CPPED1: variants seen among roughly 807,000 people sequenced by gnomAD.
CPPED1 encodes serine/threonine-protein phosphatase CPPED1.
CPPED1 carries 28 observed loss-of-function variants against 28.0 expected under a neutral mutation model. The observed-to-expected ratio is 1.00, with a 90% CI of 0.74 to 1.37. CPPED1 has a LOEUF of 1.37. Ranked by LOEUF, CPPED1 falls within the 40% of genes most tolerant of loss-of-function variation. The pLI is 0.00. For missense variants in CPPED1, 504 were observed against 416.5 expected (o/e 1.21, Z -1.83); for synonymous variants, 198 against 180.2 (o/e 1.10, Z -0.79).
intron 2 of CPPED1, among the ~76,000 whole-genome samples, chr16:12,744,838 G>T (rs2080277083): frequency 6.6e-6 from 1 of 152,094 alleles, no homozygotes; most frequent in Non-Finnish European, 1.5e-5. Context: ...ACAAAAATAA[G>T]CCAGGCATCG....
At chr16:12,727,145 A>G (rs2080174403) in intron 2 of CPPED1, among the ~76,000 whole-genome samples, 1 of 152,216 alleles carries the variant, frequency 6.6e-6, no homozygotes, top group Non-Finnish European at 1.5e-5. Context: ...AGTTCAGTAG[A>G]GTACAACCAA....
chr16:12,689,217 C>CTTTT (rs869107040), intron 3 of CPPED1, among the ~76,000 whole-genome samples: 24 of 83,572 alleles, frequency 2.9e-4, no homozygotes, highest in African/African-American at 8.0e-4. Context: ...GAAAAGAGGG[C>CTTTT]TTTTTTTTTT....
intron 1 of CPPED1, among the ~76,000 whole-genome samples, chr16:12,790,281 T>G (rs1394808618): frequency 6.6e-6 from 1 of 152,238 alleles, no homozygotes; most frequent in Non-Finnish European, 1.5e-5. Flanking sequence ...TCTCTGCTAA[T>G]ACATTTCCTC....
intron 2 of CPPED1, among the ~76,000 whole-genome samples, chr16:12,733,048 T>C (rs2141206357): frequency 6.6e-6 from 1 of 152,312 alleles, no homozygotes; most frequent in Non-Finnish European, 1.5e-5. Flanking sequence ...GTTATTATTT[T>C]AAATTTATTG....
chr16:12,763,443 A>G (rs2080421591), intron 2 of CPPED1, among the ~76,000 whole-genome samples: 1 of 152,180 alleles, frequency 6.6e-6, no homozygotes, highest in Admixed American at 6.5e-5. Flanking sequence ...AGACCAATGA[A>G]TGGAAATGGA....
intron 2 of CPPED1, among the ~76,000 whole-genome samples, chr16:12,743,276 A>T (rs1460487964): frequency 6.6e-6 from 1 of 152,224 alleles, no homozygotes; most frequent in East Asian, 1.9e-4. Flanking sequence ...GGCCACTGGC[A>T]TAACCAAGTG....
Position 12,661,724 on chromosome 16 carries a change from C to T in CPPED1, c.*3162G>A, listed in dbSNP as rs1436488899. Reference sequence around the variant, plus strand: ...AGCTGCGGACAGTTACTGCTGCAGACAGGGCTGTGTCCCGTGACTCATTAT... The same window carrying T: ...AGCTGCGGACAGTTACTGCTGCAGATAGGGCTGTGTCCCGTGACTCATTAT... On this transcript the variant is annotated 3_prime_UTR_variant, in exon 4 of 4. Coordinates refer to ENST00000381774, the MANE Select transcript of CPPED1 (RefSeq NM_018340.3). The T allele has an allele frequency of 1.3e-5, 2 of 152,284 alleles. No individual in the cohort carries two copies. The highest frequency in any genetic ancestry group is 2.9e-5 in the Non-Finnish European group (2 of 68,096). The allele number at this position is 152,284 out of a possible 1,614,324, so 9.4% of individuals were successfully genotyped here.
At chr16:12,774,497 T>G (rs566317490) in intron 2 of CPPED1, among the ~76,000 whole-genome samples, 1 of 152,222 alleles carries the variant, frequency 6.6e-6, no homozygotes, top group African/African-American at 2.4e-5. Flanking sequence ...CAGAGTCATC[T>G]GCCTTATTAA....
chr16:12,793,892 G>A (rs746205389), intron 1 of CPPED1, among the ~76,000 whole-genome samples: 8 of 152,164 alleles, frequency 5.3e-5, no homozygotes, highest in African/African-American at 1.2e-4. Flanking sequence ...CTTCACAGCC[G>A]CCTGCAGGCT....
At chr16:12,759,127 C>A (rs557085282) in intron 2 of CPPED1, among the ~76,000 whole-genome samples, 1 of 140,216 alleles carries the variant, frequency 7.1e-6, no homozygotes, top group Non-Finnish European at 1.5e-5. Flanking sequence ...CACACCACTG[C>A]ACTCCAGCTT....
chr16:12,779,783 G>A (rs1447102327), intron 2 of CPPED1, among the ~76,000 whole-genome samples: 1 of 152,018 alleles, frequency 6.6e-6, no homozygotes, highest in Non-Finnish European at 1.5e-5. Context: ...AGGGTACCTC[G>A]GCTTCTAAAG....
intron 3 of CPPED1, among the ~76,000 whole-genome samples, chr16:12,690,181 G>A (rs550672229): frequency 1.6e-4 from 24 of 152,140 alleles, no homozygotes; most frequent in Admixed American, 1.0e-3. Context: ...CAGAGTCTGC[G>A]GGGGTGGGTA....
intron 2 of CPPED1, among the ~76,000 whole-genome samples, chr16:12,762,015 CA>C (rs56991005): frequency 2.9e-4 from 42 of 145,180 alleles, no homozygotes; most frequent in Admixed American, 5.5e-4. Flanking sequence ...ACTCTGTCTC[CA>C]AAAAAAAAAA....
At chr16:12,794,755 A>C (rs189960852) in intron 1 of CPPED1, among the ~76,000 whole-genome samples, 4 of 152,332 alleles carry the variant, frequency 2.6e-5, no homozygotes, top group Admixed American at 2.6e-4. Flanking sequence ...CAACCTGTAC[A>C]AAGGTAAATT....
intron 3 of CPPED1, among the ~76,000 whole-genome samples, chr16:12,667,238 C>A (rs893454555): frequency 6.6e-6 from 1 of 152,150 alleles, no homozygotes; most frequent in African/African-American, 2.4e-5. Flanking sequence ...CAATTGGGAA[C>A]ACAAATTCAC....
rs1455467680 is a variant in CPPED1, at chr16:12,704,801, C to A, written c.538G>T (p.Ala180Ser). Residue 180 changes from alanine (A) to serine (S), a missense_variant, in exon 3 of 4, where the codon GCT becomes TCT. Transcript: ENST00000381774. Reference sequence around the variant, plus strand: ...TGCTCGTCCAGCCACTGGTCCTGAGCCTGCTTCAGGCTGGGGCATTTGGAG... The same window carrying A: ...TGCTCGTCCAGCCACTGGTCCTGAGACTGCTTCAGGCTGGGGCATTTGGAG... ...NPSKCPSLKQ[A>S]QDQWLDEQLS... The A allele has an allele frequency of 1.9e-6, 3 of 1,614,204 alleles. No homozygotes were observed. Among genetic ancestry groups the A allele is most frequent in the Non-Finnish European group, 2.5e-6 (3 of 1,180,034 alleles).
At chr16:12,765,697 G>C (rs565519983) in intron 2 of CPPED1, among the ~76,000 whole-genome samples, 13 of 152,264 alleles carry the variant, frequency 8.5e-5, no homozygotes, top group African/African-American at 2.6e-4. Context: ...ATATTGAATA[G>C]AACCTACCAT....
intron 1 of CPPED1, among the ~76,000 whole-genome samples, chr16:12,798,997 T>C (rs1441270818): frequency 6.6e-6 from 1 of 152,156 alleles, no homozygotes; most frequent in Non-Finnish European, 1.5e-5. Flanking sequence ...GTGTCACACA[T>C]ACCACTACTG....
rs1486919059 is a variant in CPPED1, at chr16:12,781,204, G to C, written c.270C>G (p.Asp90Glu). ...PKPKFFVLCGDLIHAMPGKPW... is the reference protein window; with the variant it reads ...PKPKFFVLCGELIHAMPGKPW... ...TCTTACCTGGCATGGCGTGGATGAG[G>C]TCGCCGCACAGAACGAAGAATTTGG... is the stretch of plus-strand genomic sequence containing the variant. The change falls in exon 2 of 4, where the codon GAC (aspartate) becomes GAG (glutamate). Residue 90 changes from aspartate to glutamate, a missense_variant. Physicochemically the swap from Asp to Glu is conservative, Grantham distance 45. Coordinates refer to ENST00000381774, the MANE Select transcript of CPPED1 (RefSeq NM_018340.3). 6.2e-7 allele frequency: 1 copy of C among 1,613,396 alleles called. No homozygotes were observed. The highest frequency in any genetic ancestry group is 8.5e-7 in the Non-Finnish European group (1 of 1,179,672).
Sources: gnomAD v4.1 joint callset for allele counts (sites outside exome capture counted in the v4.1 genomes callset) on GRCh38, gnomAD v4.1.1 for gene constraint, MANE v1.5 for transcripts, NCBI Gene and HGNC (gene_info 2026-07-23, HGNC 2026-07-21) for gene names.